Variants in PLAC9 observed in about 807,000 individuals in gnomAD.
The protein encoded by PLAC9 is placenta-specific protein 9.
PLAC9 carries 12 observed loss-of-function variants against 11.5 expected under a neutral mutation model. That is an observed-to-expected ratio of 1.05 (90% CI 0.67 to 1.69). The LOEUF (loss-of-function observed/expected upper bound fraction) is 1.69. PLAC9 is among the 40% of genes most tolerant of loss of function. The pLI is 0.00. For synonymous variants in PLAC9, 62 were observed against 58.1 expected (o/e 1.07, Z -0.31); for missense variants, 132 against 130.5 (o/e 1.01, Z -0.06).
Position 80,144,980 on chromosome 10 carries a change from T to C in PLAC9, c.*70T>C, listed in dbSNP as rs768556505. 4.6e-6 allele frequency: 7 copies of C among 1,525,848 alleles called. No homozygotes were observed. The highest frequency in any genetic ancestry group is 6.2e-6 in the Non-Finnish European group (7 of 1,121,938). The allele number at this position is 1,525,848 out of a possible 1,614,324, so 94.5% of individuals were successfully genotyped here. On this transcript the variant is annotated 3_prime_UTR_variant, in exon 4 of 4. Transcript: ENST00000372263. ...GGCAGCGCCCACAGAACCAGCCCTG[T>C]CCTCTCGACTTCCTTCCTTAGCTTC...
chr10:80,134,973 A>G (rs918087367), intron 1 of PLAC9, among the ~76,000 whole-genome samples: 6 of 151,944 alleles, frequency 3.9e-5, no homozygotes, highest in Non-Finnish European at 8.8e-5. Context: ...ATTGAGAGCT[A>G]TCTCTAGCAC....
intron 1 of PLAC9, among the ~76,000 whole-genome samples, chr10:80,135,321 CT>C (rs139336508): frequency 0.13 from 8,374 of 66,956 alleles, 284 homozygotes; most frequent in African/African-American, 0.26. Context: ...TGCGCCCGGC[CT>C]TTTTTTTTTT....
intron 2 of PLAC9, chr10:80,144,010 G>A (rs1589406137): frequency 1.7e-6 from 1 of 593,118 alleles, no homozygotes; most frequent in South Asian, 2.1e-5. Flanking sequence ...AAAAAAGAAG[G>A]AGCCTTAGAG....
intron 1 of PLAC9, among the ~76,000 whole-genome samples, chr10:80,136,375 C>T (rs1261329865): frequency 1.3e-5 from 2 of 152,190 alleles, no homozygotes; most frequent in Non-Finnish European, 2.9e-5. Context: ...CTTGGCTGCT[C>T]AGGGTTAATC....
In PLAC9 at chr10:80,144,986, C is replaced by T. The variant is rs1394175201; in HGVS notation, c.*76C>T. 2.6e-6 allele frequency: 4 copies of T among 1,510,714 alleles called. No homozygotes were observed. Among genetic ancestry groups the T allele is most frequent in the Admixed American group, 2.0e-5 (1 of 51,016 alleles). The allele number at this position is 1,510,714 out of a possible 1,614,324, so 93.6% of individuals were successfully genotyped here. A position where few individuals can be genotyped will look rare whatever the true frequency, so the allele number is the denominator to read the frequency against. On this transcript the variant is annotated 3_prime_UTR_variant, in exon 4 of 4. Transcript: ENST00000372263. ...GCCCACAGAACCAGCCCTGTCCTCTCGACTTCCTTCCTTAGCTTCATGTGA... is the reference window on the plus strand; with the variant it reads ...GCCCACAGAACCAGCCCTGTCCTCTTGACTTCCTTCCTTAGCTTCATGTGA...
intron 1 of PLAC9, among the ~76,000 whole-genome samples, chr10:80,138,933 A>T (rs1845008348): frequency 6.6e-6 from 1 of 150,834 alleles, no homozygotes; most frequent in Non-Finnish European, 1.5e-5. Context: ...GACCTCTAAA[A>T]GTTAAATTGC....
At chr10:80,132,567 G>T, upstream of PLAC9, 1 of 452,202 alleles carries the variant, frequency 2.2e-6, no homozygotes. Flanking sequence ...CTCAGCTCCC[G>T]GGGTCTCTGG....
Position 80,145,046 on chromosome 10 carries a change from G to GAC in PLAC9, c.*138_*139dup, listed in dbSNP as rs1186821900. On this transcript the variant is annotated 3_prime_UTR_variant, in exon 4 of 4. Transcript: ENST00000372263. ...TATTCTGGTCTCCTCTGTGTCTGCTGACAGAGTAACCCGTTTAACTACAGC... is the reference window on the plus strand; with the variant it reads ...TATTCTGGTCTCCTCTGTGTCTGCTGACACAGAGTAACCCGTTTAACTACAGC... 1.7e-6 allele frequency: 2 copies of GAC among 1,167,092 alleles called. No individual in the cohort carries two copies. Among genetic ancestry groups the GAC allele is most frequent in the South Asian group, 2.6e-5 (2 of 76,326 alleles). 72.3% of individuals were successfully genotyped at this position (1,167,092 alleles called of 1,614,324 possible).
chr10:80,137,573 C>T (rs1844994768), intron 1 of PLAC9, among the ~76,000 whole-genome samples: 2 of 152,194 alleles, frequency 1.3e-5, no homozygotes, highest in Non-Finnish European at 2.9e-5. Context: ...AGAGCTTTTC[C>T]TCTCCAAGCT....
upstream of PLAC9, chr10:80,132,485 G>T: frequency 2.5e-6 from 1 of 399,858 alleles, no homozygotes; most frequent in Non-Finnish European, 4.4e-6. Context: ...CTTCCCTCCC[G>T]GGCTCCCAGG....
intron 1 of PLAC9, among the ~76,000 whole-genome samples, chr10:80,135,516 G>A (rs1335346041): frequency 1.3e-5 from 2 of 150,996 alleles, no homozygotes; most frequent in African/African-American, 2.4e-5. Flanking sequence ...TAGTAGAGAC[G>A]GGGGCTGCGG....
At chr10:80,141,749 C>T (rs1352352801) in intron 1 of PLAC9, among the ~76,000 whole-genome samples, 2 of 152,170 alleles carry the variant, frequency 1.3e-5, no homozygotes, top group East Asian at 1.9e-4. Flanking sequence ...CCAGCCACCG[C>T]GGGCTCCCTG....
chr10:80,132,702 G>T (rs1409147261), upstream of PLAC9: 33 of 1,371,164 alleles, frequency 2.4e-5, no homozygotes, highest in Non-Finnish European at 2.9e-5. Flanking sequence ...GGCCGGCCGG[G>T]TGCGATCCGG....
chr10:80,142,666 T>A (rs1183512782), intron 2 of PLAC9, among the ~76,000 whole-genome samples: 1 of 152,216 alleles, frequency 6.6e-6, no homozygotes, highest in African/African-American at 2.4e-5. Context: ...TATGTCAAAA[T>A]TTCAGTTGTT....
In PLAC9 at chr10:80,142,176, G is replaced by A; in HGVS notation, c.159G>A (p.Glu53=). Residue 53 remains glutamate (E), a synonymous_variant, in exon 2 of 4, where the codon GAG becomes GAA. Transcript: ENST00000372263. ...TGCAACGCCGTCTAGATGTCATGGA[G>A]GAGGTAACAGGGTGGTTTGGAAGGA... ...MAVQRRLDVM[E]EMVEKTVDHL... is the part of the protein sequence containing the mutation. 6.2e-7 allele frequency: 1 copy of A among 1,603,946 alleles called. No homozygotes were observed. The highest frequency in any genetic ancestry group is 8.5e-7 in the Non-Finnish European group (1 of 1,172,164).
At position 80,144,993 on chromosome 10, in the gene PLAC9, C is replaced by A. The variant is rs771081450; in HGVS notation, c.*83C>A. The A allele has an allele frequency of 1.8e-5, 26 of 1,484,484 alleles. No homozygotes were observed. The Middle Eastern group carries it at 2.2e-3, about 126-fold the overall frequency. The allele number at this position is 1,484,484 out of a possible 1,614,324, so 92.0% of individuals were successfully genotyped here. Reference sequence around the variant, plus strand: ...GAACCAGCCCTGTCCTCTCGACTTCCTTCCTTAGCTTCATGTGAAATAAAA... The same window carrying A: ...GAACCAGCCCTGTCCTCTCGACTTCATTCCTTAGCTTCATGTGAAATAAAA... On this transcript the variant is annotated 3_prime_UTR_variant, in exon 4 of 4. Transcript: ENST00000372263.
intron 2 of PLAC9, among the ~76,000 whole-genome samples, chr10:80,142,474 G>T (rs574152027): frequency 6.6e-6 from 1 of 152,268 alleles, no homozygotes; most frequent in East Asian, 1.9e-4. Flanking sequence ...CCTAACTTGT[G>T]TGGGGAAAAG....
At chr10:80,141,356 T>C (rs989473503) in intron 1 of PLAC9, among the ~76,000 whole-genome samples, 6 of 152,068 alleles carry the variant, frequency 3.9e-5, no homozygotes, top group African/African-American at 9.7e-5. Context: ...CCCAGCACTT[T>C]GGAAGGCTGA....
chr10:80,144,649 G>A (rs892302413), intron 3 of PLAC9, among the ~76,000 whole-genome samples: 9 of 152,146 alleles, frequency 5.9e-5, no homozygotes, highest in African/African-American at 2.2e-4. Context: ...CACGACTGGA[G>A]CTTCTCAGCT....
Sources: allele counts gnomAD v4.1 joint callset (sites outside exome capture counted in the v4.1 genomes callset), GRCh38; gene constraint gnomAD v4.1.1; transcripts MANE v1.5; gene names NCBI Gene and HGNC (gene_info 2026-07-23, HGNC 2026-07-21).